L3MBTL4: variants seen among roughly 807,000 people sequenced by gnomAD.
The protein encoded by L3MBTL4 is L3MBTL histone methyl-lysine binding protein 4.
A neutral mutation model predicts 84.5 loss-of-function variants in L3MBTL4; 70 were observed. That is an observed-to-expected ratio of 0.83 (90% CI 0.68 to 1.01). The LOEUF (loss-of-function observed/expected upper bound fraction) is 1.01. Among genes scored for constraint, L3MBTL4 ranks in the 50% least tolerant of loss-of-function variants. The pLI, the probability that L3MBTL4 is intolerant of heterozygous loss-of-function variation, is 0.00. For missense variants in L3MBTL4, 715 were observed against 754.8 expected, an observed-to-expected ratio of 0.95 and a Z score of 0.62; for synonymous variants, 274 against 259.8, an observed-to-expected ratio of 1.05 and a Z score of -0.52.
intron 15 of L3MBTL4, among the ~76,000 whole-genome samples, chr18:6,081,605 T>C (rs916769578): frequency 6.6e-6 from 1 of 152,202 alleles, no homozygotes; most frequent in African/African-American, 2.4e-5. Context: ...TGTATATATT[T>C]TAATGAAATT....
intron 9 of L3MBTL4, among the ~76,000 whole-genome samples, chr18:6,239,240 C>G (rs2047349100): frequency 6.7e-6 from 1 of 149,074 alleles, no homozygotes; most frequent in South Asian, 2.1e-4. Flanking sequence ...ACTTGGGAGG[C>G]TGAGGCAGGA....
At chr18:6,270,638 C>A (rs187111342) in intron 4 of L3MBTL4, among the ~76,000 whole-genome samples, 2 of 152,286 alleles carry the variant, frequency 1.3e-5, no homozygotes, top group East Asian at 3.9e-4. Flanking sequence ...GCAAGCAATC[C>A]AGGGAGAAGC....
intron 1 of L3MBTL4, among the ~76,000 whole-genome samples, chr18:6,379,635 G>A (rs2054514447): frequency 6.6e-6 from 1 of 152,150 alleles, no homozygotes; most frequent in South Asian, 2.1e-4. Context: ...ATTTGCATAT[G>A]TTGAACCAGC....
intron 1 of L3MBTL4, among the ~76,000 whole-genome samples, chr18:6,370,712 A>G (rs1427068308): frequency 6.6e-6 from 1 of 152,172 alleles, no homozygotes; most frequent in Non-Finnish European, 1.5e-5. Flanking sequence ...CTGAGCCGGG[A>G]GGTAGACGCA....
chr18:6,043,461 T>A (rs1052292814), intron 16 of L3MBTL4, among the ~76,000 whole-genome samples: 1 of 152,196 alleles, frequency 6.6e-6, no homozygotes, highest in Admixed American at 6.5e-5. Context: ...CCAGGCCTCA[T>A]CACCTGCTGC....
chr18:6,076,083 C>T (rs1309368154), intron 16 of L3MBTL4, among the ~76,000 whole-genome samples: 1 of 152,160 alleles, frequency 6.6e-6, no homozygotes, highest in African/African-American at 2.4e-5. Flanking sequence ...ATATTTGACA[C>T]TAACTGCTGA....
At chr18:6,160,358 A>G (rs1213189686) in intron 13 of L3MBTL4, among the ~76,000 whole-genome samples, 1 of 152,186 alleles carries the variant, frequency 6.6e-6, no homozygotes. Flanking sequence ...CAGCAGTGTT[A>G]CAAGTCAGGA....
intron 1 of L3MBTL4, among the ~76,000 whole-genome samples, chr18:6,362,908 G>A (rs1350627389): frequency 6.6e-6 from 1 of 152,198 alleles, no homozygotes; most frequent in African/African-American, 2.4e-5. Flanking sequence ...AAGTGTGGGC[G>A]CATGCGCACT....
At chr18:6,100,794 T>C (rs1398563431) in intron 14 of L3MBTL4, among the ~76,000 whole-genome samples, 3 of 152,182 alleles carry the variant, frequency 2.0e-5, no homozygotes, top group Admixed American at 6.5e-5. Flanking sequence ...GCCCTGTTAA[T>C]GTTGGGCTGC....
intron 17 of L3MBTL4, 94 bp downstream of exon 17, chr18:5,969,299 G>T (rs1284293480): frequency 6.4e-6 from 9 of 1,399,084 alleles, no homozygotes; most frequent in Non-Finnish European, 8.0e-6. Flanking sequence ...AAAGGGCGCT[G>T]TCCCAGACAT....
At chr18:6,319,294 C>G (rs1282066927) in intron 1 of L3MBTL4, among the ~76,000 whole-genome samples, 1 of 139,572 alleles carries the variant, frequency 7.2e-6, no homozygotes, top group Non-Finnish European at 1.6e-5. Flanking sequence ...GAAATAGAAA[C>G]AACAACAACA....
At chr18:5,957,551 G>T (rs11081223) in intron 18 of L3MBTL4, among the ~76,000 whole-genome samples, 2 of 151,074 alleles carry the variant, frequency 1.3e-5, no homozygotes, top group East Asian at 3.9e-4. Flanking sequence ...ACACAGCCTG[G>T]CTCAGATGAT....
At chr18:6,388,806 C>T (rs1363983898) in intron 1 of L3MBTL4, among the ~76,000 whole-genome samples, 1 of 152,128 alleles carries the variant, frequency 6.6e-6, no homozygotes, top group African/African-American at 2.4e-5. Context: ...GTTGAGACAC[C>T]CTGGGTCCTT....
intron 9 of L3MBTL4, among the ~76,000 whole-genome samples, chr18:6,238,596 T>C (rs1909803562): frequency 6.6e-6 from 1 of 152,062 alleles, no homozygotes; most frequent in African/African-American, 2.4e-5. Context: ...CCAGTGATGT[T>C]CCCAAAAAAG....
At chr18:6,045,108 A>G (rs1175875100) in intron 16 of L3MBTL4, among the ~76,000 whole-genome samples, 1 of 152,196 alleles carries the variant, frequency 6.6e-6, no homozygotes, top group Non-Finnish European at 1.5e-5. Context: ...AGTTTGTATT[A>G]TTAAAGTACA....
intron 17 of L3MBTL4, among the ~76,000 whole-genome samples, chr18:5,961,311 C>A (rs147897544): frequency 9.2e-5 from 14 of 152,318 alleles, no homozygotes; most frequent in Admixed American, 7.2e-4. Flanking sequence ...GTGCAGGAGA[C>A]AGCACCAGGT....
At chr18:6,285,067 G>T (rs560681529) in intron 4 of L3MBTL4, among the ~76,000 whole-genome samples, 52 of 152,228 alleles carry the variant, frequency 3.4e-4, no homozygotes, top group Non-Finnish European at 6.2e-4. Flanking sequence ...TCGAGAGGAC[G>T]GCTTCTGCGG....
intron 10 of L3MBTL4, among the ~76,000 whole-genome samples, chr18:6,225,201 G>A (rs2046727639): frequency 6.6e-6 from 1 of 152,212 alleles, no homozygotes; most frequent in African/African-American, 2.4e-5. Flanking sequence ...TCCAAAGAGG[G>A]ACAGATAGAG....
intron 16 of L3MBTL4, among the ~76,000 whole-genome samples, chr18:6,041,416 ATCT>A (rs1363596105): frequency 1.3e-5 from 2 of 149,292 alleles, no homozygotes; most frequent in South Asian, 2.1e-4. Flanking sequence ...CAACCTATTA[ATCT>A]TCTTTCTTCA....
Sources: allele counts gnomAD v4.1 joint callset (sites outside exome capture counted in the v4.1 genomes callset), GRCh38; gene constraint gnomAD v4.1.1; transcripts MANE v1.5; gene names NCBI Gene and HGNC (gene_info 2026-07-23, HGNC 2026-07-21).